The following ARL3 variants were observed in gnomAD, a reference collection of about 807,000 sequenced individuals.
The protein encoded by ARL3 is ADP-ribosylation factor-like protein 3.
In ARL3, 9 loss-of-function variants were observed where a neutral mutation model predicts 26.0. The observed-to-expected ratio is 0.35, with a 90% CI of 0.21 to 0.60. The LOEUF is 0.60. Among genes scored for constraint, ARL3 ranks in the 20% least tolerant of loss-of-function variants. ARL3 has a pLI of 0.78. For missense variants in ARL3, 158 were observed against 215.7 expected (o/e 0.73, Z 1.67); for synonymous variants, 71 against 78.4 (o/e 0.91, Z 0.50).
At chr10:102,711,410 T>TTA (rs1312445977) in intron 1 of ARL3, among the ~76,000 whole-genome samples, 21 of 150,924 alleles carry the variant, frequency 1.4e-4, no homozygotes, top group South Asian at 8.3e-4. Context: ...GTGTGTGTTT[T>TTA]TATATATATA....
At chr10:102,677,007 G>T in intron 5 of ARL3, 66 bp from the exon 6 acceptor site, 1 of 1,568,708 alleles carries the variant, frequency 6.4e-7, no homozygotes, top group South Asian at 1.1e-5. Context: ...ACTCTAGCCT[G>T]GAGGGGCGGG....
chr10:102,677,001 T>A (rs2064133904), intron 5 of ARL3, 60 bp from the exon 6 acceptor site: 3 of 1,571,852 alleles, frequency 1.9e-6, no homozygotes, highest in Non-Finnish European at 2.6e-6. Flanking sequence ...CCACACACTC[T>A]AGCCTGGAGG....
chr10:102,681,392 C>CAAA (rs11421481), intron 5 of ARL3, among the ~76,000 whole-genome samples: 14,478 of 132,320 alleles, frequency 0.11, 1,186 homozygotes, highest in East Asian at 0.4. Flanking sequence ...AACTCCATCT[C>CAAA]AAAAAAAAAA....
intron 4 of ARL3, among the ~76,000 whole-genome samples, chr10:102,689,152 GTC>G (rs2064203193): frequency 6.6e-6 from 1 of 151,638 alleles, no homozygotes; most frequent in Non-Finnish European, 1.5e-5. Context: ...GTGAAACCCT[GTC>G]TCTACTAAAA....
chr10:102,689,621 C>T (rs983050031), intron 4 of ARL3, among the ~76,000 whole-genome samples: 3 of 152,036 alleles, frequency 2.0e-5, no homozygotes, highest in South Asian at 2.1e-4. Context: ...CACCTGAGGT[C>T]GGGAGTTCAA....
At chr10:102,679,826 C>G (rs1213716450) in intron 5 of ARL3, among the ~76,000 whole-genome samples, 1 of 152,146 alleles carries the variant, frequency 6.6e-6, no homozygotes, top group Non-Finnish European at 1.5e-5. Flanking sequence ...CACATATTAA[C>G]CATCCACCCA....
At position 102,714,313 on chromosome 10, in the gene ARL3, T is replaced by A; in HGVS notation, c.-38A>T. ...TCCCTCCTCCTCCTCCTCCTCCTGCTGCCTCCCCCGTTACCAGGGGCAACT... is the reference window on the plus strand; with the variant it reads ...TCCCTCCTCCTCCTCCTCCTCCTGCAGCCTCCCCCGTTACCAGGGGCAACT... On this transcript the variant is annotated 5_prime_UTR_variant, in exon 1 of 6. Transcript: ENST00000260746. 7.6e-7 allele frequency: 1 copy of A among 1,307,890 alleles called. No homozygotes were observed. The highest frequency in any genetic ancestry group is 3.2e-5 in the South Asian group (1 of 30,778). The allele number at this position is 1,307,890 out of a possible 1,614,324, so 81.0% of individuals were successfully genotyped here. A position where few individuals can be genotyped will look rare whatever the true frequency, so the allele number is the denominator to read the frequency against.
chr10:102,703,025 C>T (rs2064288457), intron 2 of ARL3, among the ~76,000 whole-genome samples: 2 of 152,072 alleles, frequency 1.3e-5, no homozygotes, highest in African/African-American at 2.4e-5. Context: ...CAAGCTCTCC[C>T]TGTTGGCTTA....
At chr10:102,695,236 A>C (rs978067961) in intron 3 of ARL3, among the ~76,000 whole-genome samples, 1 of 152,192 alleles carries the variant, frequency 6.6e-6, no homozygotes, top group African/African-American at 2.4e-5. Flanking sequence ...CTGACATCTT[A>C]ATAATACTGA....
intron 1 of ARL3, among the ~76,000 whole-genome samples, chr10:102,709,885 T>C (rs1396474381): frequency 2.0e-5 from 3 of 151,554 alleles, no homozygotes; most frequent in African/African-American, 7.3e-5. Flanking sequence ...ATACAAAAAA[T>C]TGGCCAGGCA....
chr10:102,704,373 C>T (rs1400445897), intron 2 of ARL3, among the ~76,000 whole-genome samples: 2 of 151,856 alleles, frequency 1.3e-5, no homozygotes, highest in East Asian at 1.9e-4. Context: ...GGTGTGGTGG[C>T]TCACACCTGT....
intron 5 of ARL3, among the ~76,000 whole-genome samples, chr10:102,678,906 T>A (rs1039694281): frequency 2.0e-5 from 3 of 152,160 alleles, no homozygotes; most frequent in African/African-American, 4.8e-5. Context: ...CCAGCAGTGG[T>A]GAAGCCCTTC....
At chr10:102,688,018 C>T (rs950923814) in intron 4 of ARL3, among the ~76,000 whole-genome samples, 1 of 152,132 alleles carries the variant, frequency 6.6e-6, no homozygotes, top group Non-Finnish European at 1.5e-5. Context: ...ATCTCTATCT[C>T]TAAAACATGC....
intron 3 of ARL3, among the ~76,000 whole-genome samples, chr10:102,693,317 G>A (rs979283766): frequency 1.3e-5 from 2 of 152,094 alleles, no homozygotes; most frequent in East Asian, 1.9e-4. Flanking sequence ...GCAATGAAGA[G>A]GAGTCCCATT....
intron 5 of ARL3, among the ~76,000 whole-genome samples, chr10:102,682,668 G>A (rs930186919): frequency 1.3e-5 from 2 of 152,094 alleles, no homozygotes; most frequent in Non-Finnish European, 2.9e-5. Context: ...TCCTTAACTC[G>A]CCCCCGTGAG....
At chr10:102,699,090 A>ACTTC (rs1218389553) in intron 3 of ARL3, among the ~76,000 whole-genome samples, 30 of 152,228 alleles carry the variant, frequency 2.0e-4, no homozygotes, top group African/African-American at 6.7e-4. Flanking sequence ...TGATCTTCTG[A>ACTTC]CTTCCCTTCT....
At chr10:102,708,908 A>ATTTTTTTTTTT (rs1554864095) in intron 1 of ARL3, among the ~76,000 whole-genome samples, 7 of 95,324 alleles carry the variant, frequency 7.3e-5, no homozygotes, top group African/African-American at 2.5e-4. Flanking sequence ...ATATATATAT[A>ATTTTTTTTTTT]TTTTTTTTTT....
At chr10:102,692,031 G>A (rs2064220824) in intron 3 of ARL3, among the ~76,000 whole-genome samples, 1 of 152,210 alleles carries the variant, frequency 6.6e-6, no homozygotes, top group Admixed American at 6.5e-5. Flanking sequence ...TCGAGTACAA[G>A]GATGCAGCTG....
chr10:102,683,753 C>T (rs1370560433), intron 5 of ARL3, among the ~76,000 whole-genome samples: 5 of 152,108 alleles, frequency 3.3e-5, no homozygotes, highest in African/African-American at 7.2e-5. Context: ...GCACTGTCTA[C>T]GGTGGTTACA....
Sources: allele counts gnomAD v4.1 joint callset (sites outside exome capture counted in the v4.1 genomes callset), GRCh38; gene constraint gnomAD v4.1.1; transcripts MANE v1.5; gene names NCBI Gene and HGNC (gene_info 2026-07-23, HGNC 2026-07-21).